The following KCNMA1 variants were observed in gnomAD, a reference collection of about 807,000 sequenced individuals.
KCNMA1 encodes potassium calcium-activated channel subfamily M alpha 1.
Under a neutral mutation model 140.0 loss-of-function variants are expected in KCNMA1, and 29 were observed. The ratio of observed to expected loss-of-function variants is 0.21; its 90% CI spans 0.15 to 0.28. The LOEUF (loss-of-function observed/expected upper bound fraction) is 0.28. Ranked by LOEUF, KCNMA1 falls within the 10% of genes least tolerant of loss-of-function variation. KCNMA1 has a pLI of 1.00. For synonymous variants in KCNMA1, 612 were observed against 611.9 expected (o/e 1.00, Z 0.00); for missense variants, 880 against 1,602.2 (o/e 0.55, Z 7.70).
At chr10:77,218,125 A>G (rs994342736) in intron 3 of KCNMA1, among the ~76,000 whole-genome samples, 4 of 152,078 alleles carry the variant, frequency 2.6e-5, no homozygotes, top group Non-Finnish European at 5.9e-5. Flanking sequence ...GGTAACCAAA[A>G]GCCCTGAACC....
At chr10:77,370,358 C>A (rs923450096) in intron 2 of KCNMA1, among the ~76,000 whole-genome samples, 1 of 151,980 alleles carries the variant, frequency 6.6e-6, no homozygotes, top group Non-Finnish European at 1.5e-5. Context: ...GACAGCCATG[C>A]TGGAATGCCT....
At chr10:76,988,819 T>C (rs1300275103) in intron 19 of KCNMA1, among the ~76,000 whole-genome samples, 1 of 152,174 alleles carries the variant, frequency 6.6e-6, no homozygotes, top group East Asian at 1.9e-4. Context: ...TTCTAACAGC[T>C]GGGCTAAAAT....
At chr10:77,167,986 G>A (rs1158561058) in intron 5 of KCNMA1, among the ~76,000 whole-genome samples, 1 of 152,042 alleles carries the variant, frequency 6.6e-6, no homozygotes, top group East Asian at 1.9e-4. Context: ...CCCAGCTGAG[G>A]CCCTCGCTTT....
intron 19 of KCNMA1, among the ~76,000 whole-genome samples, chr10:76,973,813 T>G (rs1174239041): frequency 6.7e-6 from 1 of 148,294 alleles, no homozygotes; most frequent in Non-Finnish European, 1.5e-5. Flanking sequence ...CTGCAAACAC[T>G]GTGTCAGGGT....
intron 2 of KCNMA1, among the ~76,000 whole-genome samples, chr10:77,341,921 C>A (rs2091021528): frequency 1.3e-5 from 2 of 152,184 alleles, no homozygotes; most frequent in Non-Finnish European, 2.9e-5. Flanking sequence ...GAAAGCAAGA[C>A]CTAAGTGCAT....
intron 7 of KCNMA1, 59 bp from the exon 8 acceptor site, chr10:77,110,402 C>G: frequency 2.1e-6 from 3 of 1,458,714 alleles, no homozygotes; most frequent in African/African-American, 1.4e-5. Flanking sequence ...TGTATACATG[C>G]AATAAACGCG....
In KCNMA1 at chr10:76,949,386, G is replaced by A; in HGVS notation, c.2485-20C>T. ...TCGAGTCTACAACAGGGAGAAGTGG[G>A]TAAGAGTCAGAGAGAAGACTGCATA... On this transcript the variant is annotated intron_variant, in intron 21 of 27. Coordinates refer to ENST00000286628, the MANE Select transcript of KCNMA1 (RefSeq NM_001161352.2). 1 of 1,593,310 alleles carries A rather than the reference G, an allele frequency of 6.3e-7. No homozygotes were observed.
intron 2 of KCNMA1, among the ~76,000 whole-genome samples, chr10:77,350,944 G>T (rs1210773988): frequency 6.6e-6 from 1 of 152,160 alleles, no homozygotes; most frequent in African/African-American, 2.4e-5. Context: ...AGTGAGCTGG[G>T]CTCCACCCTT....
chr10:77,636,157 AG>A (rs1372525546), intron 1 of KCNMA1: 1 of 1,374,394 alleles, frequency 7.3e-7, no homozygotes, highest in Non-Finnish European at 9.5e-7. Flanking sequence ...GAAGTCCCCT[AG>A]GATGGGAATT....
intron 1 of KCNMA1, among the ~76,000 whole-genome samples, chr10:77,470,552 A>G (rs554435969): frequency 1.3e-5 from 2 of 152,294 alleles, no homozygotes; most frequent in South Asian, 2.1e-4. Flanking sequence ...AGCGACCACA[A>G]AGGGTGCTCT....
At position 77,139,903 on chromosome 10, in the gene KCNMA1, A is replaced by G. The variant is rs147691999; in HGVS notation, c.809-18855T>C. ...CACAACTCGCACTGTAGCCCCTGAA[A>G]AAAAAATTATCGATAGGTCCAAATG... On this transcript the variant is annotated intron_variant, in intron 5 of 27. Transcript: ENST00000286628. Among the ~76,000 whole-genome samples the G allele has an allele frequency of 2.3e-3, 353 of 152,284 alleles. 2 individuals carry two copies. The highest frequency in any genetic ancestry group is 7.6e-3 in the African/African-American group (314 of 41,570).
At chr10:77,125,339 C>T (rs75394953) in intron 5 of KCNMA1, among the ~76,000 whole-genome samples, 2,711 of 152,316 alleles carry the variant, frequency 0.018, 83 homozygotes, top group East Asian at 0.11. Flanking sequence ...GATCTGATGG[C>T]TTCCTACTGT....
At chr10:77,001,286 A>G in intron 19 of KCNMA1, 121 bp downstream of exon 19, 1 of 873,700 alleles carries the variant, frequency 1.1e-6, no homozygotes. Context: ...AGCACACAGG[A>G]GTTCACACTG....
At chr10:77,527,045 C>T (rs924219397) in intron 1 of KCNMA1, among the ~76,000 whole-genome samples, 10 of 152,186 alleles carry the variant, frequency 6.6e-5, no homozygotes, top group East Asian at 5.8e-4. Flanking sequence ...GAAATAATGC[C>T]GACACATACT....
chr10:77,215,925 C>G (rs953773399), intron 3 of KCNMA1, among the ~76,000 whole-genome samples: 1 of 151,588 alleles, frequency 6.6e-6, no homozygotes, highest in Non-Finnish European at 1.5e-5. Context: ...CTCTCTCTCT[C>G]TCTCTGCCGT....
chr10:77,255,123 T>G (rs763684134), intron 2 of KCNMA1, among the ~76,000 whole-genome samples: 5 of 152,182 alleles, frequency 3.3e-5, no homozygotes, highest in Non-Finnish European at 7.4e-5. Context: ...TCAGATTTAC[T>G]GAAAACACCC....
At chr10:77,333,599 G>C (rs117597886) in intron 2 of KCNMA1, among the ~76,000 whole-genome samples, 4,559 of 152,204 alleles carry the variant, frequency 0.03, 103 homozygotes, top group South Asian at 0.038. Flanking sequence ...AACATTTTTA[G>C]GCCTCAACTC....
chr10:77,259,639 A>C (rs1282799887), intron 2 of KCNMA1, among the ~76,000 whole-genome samples: 2 of 152,020 alleles, frequency 1.3e-5, no homozygotes, highest in Non-Finnish European at 2.9e-5. Context: ...GCCTCCTCCC[A>C]CCCCAACCAC....
At chr10:77,508,385 A>G (rs2046939865) in intron 1 of KCNMA1, among the ~76,000 whole-genome samples, 1 of 137,474 alleles carries the variant, frequency 7.3e-6, no homozygotes. Context: ...GGGTTTCATC[A>G]TGTTACCCAG....
Sources: allele counts gnomAD v4.1 joint callset (sites outside exome capture counted in the v4.1 genomes callset), GRCh38; gene constraint gnomAD v4.1.1; transcripts MANE v1.5; gene names NCBI Gene and HGNC (gene_info 2026-07-23, HGNC 2026-07-21).